The following HCN1 variants were observed in gnomAD, a reference collection of about 807,000 sequenced individuals.
HCN1 encodes the protein potassium/sodium hyperpolarization-activated cyclic nucleotide-gated channel 1.
A neutral mutation model predicts 78.9 loss-of-function variants in HCN1; 13 were observed. The observed-to-expected ratio is 0.16, with a 90% CI of 0.11 to 0.26. HCN1 has a LOEUF of 0.26. Among genes scored for constraint, HCN1 ranks in the 10% least tolerant of loss-of-function variants. The pLI, the probability that HCN1 is intolerant of heterozygous loss-of-function variation, is 1.00. For missense variants in HCN1, 810 were observed against 1,154.3 expected, an observed-to-expected ratio of 0.70 and a Z score of 4.32; for synonymous variants, 552 against 455.5, an observed-to-expected ratio of 1.21 and a Z score of -2.70.
intron 2 of HCN1, among the ~76,000 whole-genome samples, chr5:45,505,373 G>A (rs1056461999): frequency 6.6e-6 from 1 of 152,082 alleles, no homozygotes; most frequent in African/African-American, 2.4e-5. Context: ...TTTCCCCATT[G>A]CTTGTTTTTC....
chr5:45,631,545 C>CA (rs1364928435), intron 2 of HCN1, among the ~76,000 whole-genome samples: 1 of 151,870 alleles, frequency 6.6e-6, no homozygotes, highest in East Asian at 1.9e-4. Context: ...TTTTTGCCTG[C>CA]ATGATAACAT....
intron 2 of HCN1, among the ~76,000 whole-genome samples, chr5:45,517,103 C>T (rs1579943997): frequency 2.6e-5 from 4 of 151,950 alleles, no homozygotes; most frequent in Non-Finnish European, 5.9e-5. Flanking sequence ...ATTCTGAAGG[C>T]TTTGATTTCA....
chr5:45,534,473 C>G (rs895618534), intron 2 of HCN1, among the ~76,000 whole-genome samples: 2 of 127,220 alleles, frequency 1.6e-5, no homozygotes, highest in African/African-American at 6.0e-5. Flanking sequence ...CAGAGGTTTG[C>G]TGTGAGACCA....
At chr5:45,329,260 C>A (rs1352484274) in intron 5 of HCN1, among the ~76,000 whole-genome samples, 1 of 151,544 alleles carries the variant, frequency 6.6e-6, no homozygotes, top group Non-Finnish European at 1.5e-5. Flanking sequence ...AGAACTGCCA[C>A]TTTCCTCCCC....
At chr5:45,370,735 T>C (rs1297524749) in intron 4 of HCN1, among the ~76,000 whole-genome samples, 2 of 152,044 alleles carry the variant, frequency 1.3e-5, no homozygotes, top group African/African-American at 2.4e-5. Flanking sequence ...GCGCCAGCAA[T>C]AACTAGAAAC....
At chr5:45,407,679 C>G (rs1739951896) in intron 3 of HCN1, among the ~76,000 whole-genome samples, 1 of 152,096 alleles carries the variant, frequency 6.6e-6, no homozygotes, top group Admixed American at 6.6e-5. Context: ...ACCAGCATGC[C>G]TGGCTAACTT....
chr5:45,664,364 A>T (rs1405123324), intron 1 of HCN1, among the ~76,000 whole-genome samples: 4 of 144,560 alleles, frequency 2.8e-5, no homozygotes, highest in Middle Eastern at 3.6e-3. Context: ...GCTAGATGAC[A>T]CGTTAGTGGG....
At chr5:45,305,044 C>A (rs187458697) in intron 5 of HCN1, among the ~76,000 whole-genome samples, 2 of 152,070 alleles carry the variant, frequency 1.3e-5, no homozygotes, top group Admixed American at 1.3e-4. Flanking sequence ...CAATTAGTTA[C>A]CCCAAAAAAG....
chr5:45,628,715 C>T (rs554788401), intron 2 of HCN1, among the ~76,000 whole-genome samples: 8 of 152,240 alleles, frequency 5.3e-5, no homozygotes, highest in African/African-American at 1.4e-4. Flanking sequence ...GTGGCTCACG[C>T]GTGTGATTCT....
intron 2 of HCN1, among the ~76,000 whole-genome samples, chr5:45,478,564 G>A (rs376895135): frequency 9.2e-5 from 14 of 152,216 alleles, no homozygotes; most frequent in East Asian, 3.9e-4. Flanking sequence ...ATAGTTATCC[G>A]TACTAATTCT....
intron 1 of HCN1, 61 bp downstream of exon 1, chr5:45,695,608 G>T (rs1429787900): frequency 1.9e-6 from 3 of 1,543,092 alleles, no homozygotes; most frequent in South Asian, 1.1e-5. Flanking sequence ...ACCCAAGGGC[G>T]GGGAAGCGCG....
intron 2 of HCN1, among the ~76,000 whole-genome samples, chr5:45,584,062 G>T (rs527893865): frequency 1.3e-5 from 2 of 152,202 alleles, no homozygotes; most frequent in African/African-American, 4.8e-5. Context: ...CTGCAGAGCT[G>T]AGTTCAATTC....
chr5:45,492,441 T>G (rs1451095686), intron 2 of HCN1, among the ~76,000 whole-genome samples: 1 of 145,158 alleles, frequency 6.9e-6, no homozygotes, highest in Non-Finnish European at 1.5e-5. Context: ...AAGTAAAATC[T>G]TCTTTTCTTA....
chr5:45,675,316 A>G (rs1746247828), intron 1 of HCN1, among the ~76,000 whole-genome samples: 1 of 151,650 alleles, frequency 6.6e-6, no homozygotes, highest in African/African-American at 2.4e-5. Context: ...TTTATCTATT[A>G]CCCATACAAA....
chr5:45,373,994 ATATAT>A lies in HCN1; in HGVS notation c.1231-20753_1231-20749del, dbSNP rs1747510769. 4.8e-5 allele frequency among the ~76,000 whole-genome samples: 5 copies of A among 105,130 alleles called. No homozygotes were observed. The South Asian group carries it at 1.2e-3, about 26-fold the overall frequency. 69.0% of individuals were successfully genotyped at this position (105,130 alleles called of 152,430 possible). A position where few individuals can be genotyped will look rare whatever the true frequency, so the allele number is the denominator to read the frequency against. On this transcript the variant is annotated intron_variant, in intron 4 of 7. Coordinates refer to ENST00000303230, the MANE Select transcript of HCN1 (RefSeq NM_021072.4). ...ATACAGTAGATACATAATATATATA[ATATAT>A]ATTATATACATAATATATATTATAT...
chr5:45,668,988 AG>A (rs1746102009), intron 1 of HCN1, among the ~76,000 whole-genome samples: 1 of 151,854 alleles, frequency 6.6e-6, no homozygotes, highest in Non-Finnish European at 1.5e-5. Flanking sequence ...GAATGAATGT[AG>A]AAGGGCTGAA....
At chr5:45,573,140 T>C (rs976431268) in intron 2 of HCN1, among the ~76,000 whole-genome samples, 1 of 152,176 alleles carries the variant, frequency 6.6e-6, no homozygotes. Context: ...TCTATGCATA[T>C]AAATGTCTCT....
chr5:45,340,338 AG>A (rs1746550835), intron 5 of HCN1, among the ~76,000 whole-genome samples: 1 of 152,190 alleles, frequency 6.6e-6, no homozygotes. Context: ...ACACATTACT[AG>A]GGTTCATTTT....
intron 4 of HCN1, among the ~76,000 whole-genome samples, chr5:45,366,067 C>G (rs1747228609): frequency 6.6e-6 from 1 of 151,602 alleles, no homozygotes; most frequent in Admixed American, 6.6e-5. Context: ...TCAAAGATTG[C>G]AGCTTTTAGA....
Sources: allele counts gnomAD v4.1 joint callset (sites outside exome capture counted in the v4.1 genomes callset), GRCh38; gene constraint gnomAD v4.1.1; transcripts MANE v1.5; gene names NCBI Gene and HGNC (gene_info 2026-07-23, HGNC 2026-07-21).